The following KATNAL1 variants were observed in gnomAD, a reference collection of about 807,000 sequenced individuals.
The protein encoded by KATNAL1 is katanin catalytic subunit A1 like 1, also known as katanin p60 ATPase-containing subunit A-like 1.
Under a neutral mutation model 55.2 loss-of-function variants are expected in KATNAL1, and 32 were observed. The observed-to-expected ratio is 0.58, with a 90% CI of 0.44 to 0.78. The LOEUF (loss-of-function observed/expected upper bound fraction) is 0.78. KATNAL1 is among the 30% of genes least tolerant of loss of function. The probability of loss-of-function intolerance (pLI) is 0.00; values close to 1 mark genes in which losing one functional copy is unlikely to be tolerated. For missense variants in KATNAL1, 466 were observed against 600.9 expected (o/e 0.78, Z 2.35); for synonymous variants, 193 against 193.6 (o/e 1.00, Z 0.02).
intron 3 of KATNAL1, among the ~76,000 whole-genome samples, chr13:30,274,459 A>C (rs946454176): frequency 1.3e-5 from 2 of 152,222 alleles, no homozygotes; most frequent in African/African-American, 2.4e-5. Flanking sequence ...CTTCCTATCT[A>C]TATGTATACA....
chr13:30,222,938 TA>T (rs1566089659), intron 9 of KATNAL1, among the ~76,000 whole-genome samples: 2 of 148,602 alleles, frequency 1.3e-5, no homozygotes, highest in African/African-American at 5.2e-5. Flanking sequence ...ACTAATAATA[TA>T]AAAAAATTAG....
chr13:30,282,238 T>C (rs1015068524), intron 2 of KATNAL1, among the ~76,000 whole-genome samples: 1 of 152,188 alleles, frequency 6.6e-6, no homozygotes, highest in African/African-American at 2.4e-5. Flanking sequence ...TAATGTTTTT[T>C]ATTAGATTAC....
At chr13:30,261,918 T>C (rs1879319807) in intron 3 of KATNAL1, among the ~76,000 whole-genome samples, 1 of 151,944 alleles carries the variant, frequency 6.6e-6, no homozygotes, top group Non-Finnish European at 1.5e-5. Context: ...AATATACATT[T>C]TTTTCAGCAC....
intron 9 of KATNAL1, chr13:30,210,790 CA>C (rs147337706): frequency 7.4e-4 from 115 of 154,924 alleles, no homozygotes; most frequent in Middle Eastern, 3.0e-3. Context: ...AAATGCTTCT[CA>C]AAAAAAAAAT....
intron 9 of KATNAL1, among the ~76,000 whole-genome samples, chr13:30,214,490 G>C (rs551136457): frequency 6.6e-6 from 1 of 152,250 alleles, no homozygotes; most frequent in African/African-American, 2.4e-5. Context: ...AAAGAACAAA[G>C]CTGGAGGCAT....
intron 4 of KATNAL1, among the ~76,000 whole-genome samples, chr13:30,244,125 C>T (rs1011047741): frequency 6.6e-6 from 1 of 151,842 alleles, no homozygotes; most frequent in African/African-American, 2.4e-5. Flanking sequence ...GTTCCCCTCC[C>T]TGTATCCATG....
chr13:30,297,817 G>A (rs1157944845), intron 1 of KATNAL1, among the ~76,000 whole-genome samples: 2 of 151,900 alleles, frequency 1.3e-5, no homozygotes, highest in Non-Finnish European at 2.9e-5. Context: ...CTAAACATTG[G>A]ATACTCCTAG....
chr13:30,235,505 A>C (rs1876562301), intron 6 of KATNAL1, among the ~76,000 whole-genome samples: 1 of 152,226 alleles, frequency 6.6e-6, no homozygotes. Context: ...ACACTACCAC[A>C]TCAAGAATCA....
At chr13:30,252,680 A>G (rs1878428544) in intron 4 of KATNAL1, among the ~76,000 whole-genome samples, 1 of 152,182 alleles carries the variant, frequency 6.6e-6, no homozygotes, top group African/African-American at 2.4e-5. Flanking sequence ...AAGAAAAACA[A>G]ATACAATAAA....
chr13:30,274,891 A>ACGCGCGCGCG lies in KATNAL1; in HGVS notation c.323+5162_323+5171dup, dbSNP rs138328965. Among the ~76,000 whole-genome samples the ACGCGCGCGCG allele has an allele frequency of 2.9e-4, 35 of 122,102 alleles. 1 individual carries two copies. The highest frequency in any genetic ancestry group is 6.9e-4 in the African/African-American group (21 of 30,616). The allele number at this position is 122,102 out of a possible 152,430, so 80.1% of individuals were successfully genotyped here. ...GGGGGCGGGGTGTGTGCACACACATACGCGCGCGCGCGCGCGCACACACAC... is the reference window on the plus strand; with the variant it reads ...GGGGGCGGGGTGTGTGCACACACATACGCGCGCGCGCGCGCGCGCGCGCGCGCACACACAC... On this transcript the variant is annotated intron_variant, in intron 3 of 10. Transcript: ENST00000380615.
At chr13:30,221,561 T>A (rs550669988) in intron 9 of KATNAL1, among the ~76,000 whole-genome samples, 24 of 152,334 alleles carry the variant, frequency 1.6e-4, no homozygotes, top group Non-Finnish European at 3.2e-4. Flanking sequence ...ACAAAAACTA[T>A]AAAGTGGTAG....
At position 30,280,224 on chromosome 13, in the gene KATNAL1, C is replaced by CT; in HGVS notation, c.163-2dup. On this transcript the variant is annotated splice_acceptor_variant, in intron 2 of 10. Coordinates refer to ENST00000380615, the MANE Select transcript of KATNAL1 (RefSeq NM_032116.5). LOFTEE classifies it high-confidence loss of function. ...ATTCCTCCAATAATTCCTGCCGAAC[C>CT]TTAAAAAAAAAAAATAGGCTTTATG... 1.3e-6 allele frequency: 2 copies of CT among 1,553,792 alleles called. No homozygotes were observed. Among genetic ancestry groups the CT allele is most frequent in the Non-Finnish European group, 1.7e-6 (2 of 1,157,770 alleles).
chr13:30,229,818 T>C (rs952496670), intron 8 of KATNAL1, among the ~76,000 whole-genome samples: 5 of 152,182 alleles, frequency 3.3e-5, no homozygotes, highest in African/African-American at 7.2e-5. Flanking sequence ...CATGGGTAAA[T>C]TGTATGGAAA....
chr13:30,274,913 A>G (rs1004958768), intron 3 of KATNAL1, among the ~76,000 whole-genome samples: 3,768 of 117,580 alleles, frequency 0.032, 101 homozygotes, highest in African/African-American at 0.087. Flanking sequence ...GCGCGCACAC[A>G]CACACACACA....
intron 1 of KATNAL1, among the ~76,000 whole-genome samples, chr13:30,285,957 G>A (rs898784904): frequency 1.8e-4 from 27 of 152,258 alleles, no homozygotes; most frequent in African/African-American, 6.3e-4. Flanking sequence ...TATGGTATCT[G>A]GCAGAATAAA....
At chr13:30,230,963 C>T (rs1380111646) in intron 7 of KATNAL1, among the ~76,000 whole-genome samples, 8 of 152,154 alleles carry the variant, frequency 5.3e-5, no homozygotes, top group South Asian at 4.1e-4. Flanking sequence ...ACTTTAATGA[C>T]GGGTCAGACT....
At chr13:30,210,145 T>C (rs1873534421) in intron 10 of KATNAL1, among the ~76,000 whole-genome samples, 171 bp downstream of exon 10, 1 of 150,526 alleles carries the variant, frequency 6.6e-6, no homozygotes, top group Non-Finnish European at 1.5e-5. Flanking sequence ...CATCTCACAA[T>C]GAAAAATAAA....
In KATNAL1 at chr13:30,280,152, A is replaced by C. The variant is rs143680312; in HGVS notation, c.234T>G (p.Ile78Met). ...SIVSTLESFKIDKPPDFPVSC... is the reference protein window; with the variant it reads ...SIVSTLESFKMDKPPDFPVSC... The stretch of plus-strand genomic sequence containing the variant: ...ACACAGGGAAATCTGGAGGCTTGTC[A>C]ATTTTAAAACTTTCTAAAGTGCTGA... The change falls in exon 3 of 11, where the codon ATT (isoleucine) becomes ATG (methionine). Residue 78 changes from isoleucine to methionine, a missense_variant. Physicochemically the swap from Ile to Met is conservative, Grantham distance 10. This residue lies in a region of KATNAL1 where 248 missense variants were observed against 275.5 expected (regional missense o/e 0.90). Coordinates refer to ENST00000380615, the MANE Select transcript of KATNAL1 (RefSeq NM_032116.5). 2.3e-3 allele frequency: 3,769 copies of C among 1,613,556 alleles called. 4 individuals are homozygous for C. Among genetic ancestry groups the C allele is most frequent in the Non-Finnish European group, 2.9e-3 (3,396 of 1,179,724 alleles).
At chr13:30,264,277 A>G (rs1879556678) in intron 3 of KATNAL1, among the ~76,000 whole-genome samples, 1 of 145,806 alleles carries the variant, frequency 6.9e-6, no homozygotes, top group Admixed American at 6.9e-5. Flanking sequence ...AAAACCCTAG[A>G]AGAAAACCTA....
Sources: gnomAD v4.1 joint callset for allele counts (sites outside exome capture counted in the v4.1 genomes callset) on GRCh38, gnomAD v4.1.1 for gene constraint, gnomAD v4.1.1 regional missense constraint, MANE v1.5 for transcripts, NCBI Gene and HGNC (gene_info 2026-07-23, HGNC 2026-07-21) for gene names.